FAF1: variants seen among roughly 807,000 people sequenced by gnomAD.
The protein encoded by FAF1 is Fas associated factor 1.
Under a neutral mutation model 92.5 loss-of-function variants are expected in FAF1, and 25 were observed. The ratio of observed to expected loss-of-function variants is 0.27; its 90% CI spans 0.20 to 0.38. The LOEUF (loss-of-function observed/expected upper bound fraction) is 0.38, where lower values mean the gene tolerates loss of function less well. FAF1 is among the 10% of genes least tolerant of loss of function. FAF1 has a pLI of 1.00. For missense variants in FAF1, 636 were observed against 793.3 expected, an observed-to-expected ratio of 0.80 and a Z score of 2.38; for synonymous variants, 234 against 273.2, an observed-to-expected ratio of 0.86 and a Z score of 1.42.
intron 8 of FAF1, among the ~76,000 whole-genome samples, chr1:50,648,019 G>A (rs1557454483): frequency 2.0e-5 from 3 of 152,174 alleles, no homozygotes; most frequent in Non-Finnish European, 4.4e-5. Context: ...GGCACTTTGG[G>A]AGGCCGAGGC....
At chr1:50,694,178 C>T (rs1657085169) in intron 7 of FAF1, among the ~76,000 whole-genome samples, 1 of 152,012 alleles carries the variant, frequency 6.6e-6, no homozygotes, top group East Asian at 1.9e-4. Flanking sequence ...GAAACATCTC[C>T]CGATTCAACA....
At chr1:50,842,565 T>C (rs537164849) in intron 2 of FAF1, among the ~76,000 whole-genome samples, 2 of 152,220 alleles carry the variant, frequency 1.3e-5, no homozygotes, top group African/African-American at 4.8e-5. Flanking sequence ...CTGCTTGGTC[T>C]TCTCCTCTAG....
At chr1:50,654,307 C>T (rs543803665) in intron 8 of FAF1, among the ~76,000 whole-genome samples, 2 of 152,098 alleles carry the variant, frequency 1.3e-5, no homozygotes, top group African/African-American at 4.8e-5. Context: ...TCTTTTTAGC[C>T]CTATTTATTT....
intron 17 of FAF1, among the ~76,000 whole-genome samples, chr1:50,483,938 T>C (rs145901427): frequency 1.3e-3 from 192 of 152,246 alleles, no homozygotes; most frequent in African/African-American, 4.5e-3. Context: ...ATTTAAAACA[T>C]ATTAAGTTTC....
chr1:50,788,954 C>T (rs1661467455), intron 3 of FAF1, among the ~76,000 whole-genome samples: 1 of 152,118 alleles, frequency 6.6e-6, no homozygotes, highest in South Asian at 2.1e-4. Flanking sequence ...ACCCCAGCCT[C>T]CCAAGTAGCT....
intron 1 of FAF1, among the ~76,000 whole-genome samples, chr1:50,902,462 C>G (rs1028601737): frequency 6.6e-6 from 1 of 152,084 alleles, no homozygotes; most frequent in Non-Finnish European, 1.5e-5. Context: ...AAATTTAATT[C>G]ATCTATTCTT....
chr1:50,781,488 A>T (rs1365862766), intron 4 of FAF1, among the ~76,000 whole-genome samples: 1 of 152,190 alleles, frequency 6.6e-6, no homozygotes, highest in Non-Finnish European at 1.5e-5. Context: ...CCAATACTGA[A>T]GTACCCAAAT....
At chr1:50,710,617 T>C (rs1240578450) in intron 6 of FAF1, among the ~76,000 whole-genome samples, 3 of 152,146 alleles carry the variant, frequency 2.0e-5, no homozygotes, top group Non-Finnish European at 2.9e-5. Context: ...CCTTTTTTTT[T>C]TTCGAGACAG....
intron 6 of FAF1, among the ~76,000 whole-genome samples, chr1:50,737,481 C>G (rs961768431): frequency 1.1e-4 from 16 of 152,176 alleles, no homozygotes; most frequent in African/African-American, 3.9e-4. Flanking sequence ...TGACTAGATA[C>G]AGAACCATAC....
intron 16 of FAF1, among the ~76,000 whole-genome samples, chr1:50,490,985 C>T (rs1646832771): frequency 6.6e-6 from 1 of 152,106 alleles, no homozygotes; most frequent in Non-Finnish European, 1.5e-5. Context: ...TCTATCTACC[C>T]TGTACCCAAA....
chr1:50,800,763 T>C (rs1047128485), intron 3 of FAF1, among the ~76,000 whole-genome samples: 8 of 152,146 alleles, frequency 5.3e-5, no homozygotes, highest in African/African-American at 1.9e-4. Flanking sequence ...CTTTTCTTGC[T>C]CTCCAAAACG....
intron 1 of FAF1, among the ~76,000 whole-genome samples, chr1:50,861,762 G>C (rs1020356353): frequency 6.6e-6 from 1 of 151,654 alleles, no homozygotes; most frequent in African/African-American, 2.4e-5. Flanking sequence ...CAAAGAATTT[G>C]TTTCAAGCTT....
chr1:50,561,668 A>G (rs897483356), intron 13 of FAF1, among the ~76,000 whole-genome samples: 2 of 152,110 alleles, frequency 1.3e-5, no homozygotes, highest in African/African-American at 2.4e-5. Flanking sequence ...TCTACCAAAA[A>G]TACAAAAATT....
At position 50,658,283 on chromosome 1, in the gene FAF1, ATC is replaced by A. The variant is rs752209692; in HGVS notation, c.658-2757_658-2756del. On this transcript the variant is annotated intron_variant, in intron 7 of 18. Transcript: ENST00000396153. ...ATGTTATCTAGATATAACCAACCTTATCAGCTATTTTTGAAAAAAAGCAGGAC... is the reference window on the plus strand; with the variant it reads ...ATGTTATCTAGATATAACCAACCTTAAGCTATTTTTGAAAAAAAGCAGGAC... Among the ~76,000 whole-genome samples, 5 of 152,148 alleles carry A rather than the reference ATC, an allele frequency of 3.3e-5. No individual in the cohort carries two copies. In the South Asian group the frequency reaches 6.3e-4, roughly 19 times the overall value.
At chr1:50,887,445 C>G (rs1239655360) in intron 1 of FAF1, among the ~76,000 whole-genome samples, 1 of 152,156 alleles carries the variant, frequency 6.6e-6, no homozygotes, top group African/African-American at 2.4e-5. Flanking sequence ...ACATGAAGTC[C>G]TTGCCCATGC....
chr1:50,793,269 C>G (rs1466527761), intron 3 of FAF1, among the ~76,000 whole-genome samples: 7 of 152,120 alleles, frequency 4.6e-5, no homozygotes, highest in Admixed American at 6.5e-5. Context: ...GTAAATTTTC[C>G]TCTAAGATTT....
At chr1:50,775,114 T>G (rs1660908670) in intron 4 of FAF1, among the ~76,000 whole-genome samples, 1 of 152,122 alleles carries the variant, frequency 6.6e-6, no homozygotes, top group Non-Finnish European at 1.5e-5. Context: ...AAAATATTAT[T>G]TATATAATTT....
Position 50,537,552 on chromosome 1 carries a change from T to C in FAF1, c.1405+2040A>G, listed in dbSNP as rs928653869. Among the ~76,000 whole-genome samples the C allele has an allele frequency of 5.9e-5, 9 of 152,262 alleles. No individual in the cohort carries two copies. The South Asian group carries it at 1.7e-3, about 28-fold the overall frequency. ...ACATTTACTGTGTTAGAAATTAAAA[T>C]AGAAATATTTAAAATAAATTTATCA... is the stretch of plus-strand genomic sequence containing the variant. On this transcript the variant is annotated intron_variant, in intron 14 of 18. Transcript: ENST00000396153.
At chr1:50,774,413 T>C (rs1569925657) in intron 4 of FAF1, among the ~76,000 whole-genome samples, 1 of 152,196 alleles carries the variant, frequency 6.6e-6, no homozygotes, top group East Asian at 1.9e-4. Flanking sequence ...TCTGAATTTA[T>C]AGATTCAGGA....
Sources: gnomAD v4.1 joint callset for allele counts (sites outside exome capture counted in the v4.1 genomes callset) on GRCh38, gnomAD v4.1.1 for gene constraint, MANE v1.5 for transcripts, NCBI Gene and HGNC (gene_info 2026-07-23, HGNC 2026-07-21) for gene names.